CD200R1L: variants seen among roughly 807,000 people sequenced by gnomAD.
The protein encoded by CD200R1L is CD200 receptor 1 like.
In CD200R1L, 14 loss-of-function variants were observed where a neutral mutation model predicts 24.8. The ratio of observed to expected loss-of-function variants is 0.56; its 90% CI spans 0.37 to 0.88. The LOEUF (loss-of-function observed/expected upper bound fraction) is 0.88, where lower values mean the gene tolerates loss of function less well. Among genes scored for constraint, CD200R1L ranks in the 40% least tolerant of loss-of-function variants. The pLI, the probability that CD200R1L is intolerant of heterozygous loss-of-function variation, is 0.00. For synonymous variants in CD200R1L, 111 were observed against 109.2 expected (o/e 1.02, Z -0.11); for missense variants, 299 against 297.8 (o/e 1.00, Z -0.03).
At chr3:112,841,913 C>G (rs1402984475) in intron 2 of CD200R1L, among the ~76,000 whole-genome samples, 1 of 152,218 alleles carries the variant, frequency 6.6e-6, no homozygotes, top group African/African-American at 2.4e-5. Context: ...GAGGAGCCCC[C>G]ACTCTCAGAA....
intron 1 of CD200R1L, 47 bp from the exon 2 acceptor site, chr3:112,845,997 C>A: frequency 2.6e-6 from 1 of 389,470 alleles, no homozygotes; most frequent in Non-Finnish European, 4.6e-6. Context: ...CATTGCTTCT[C>A]CCACAACATT....
intron 6 of CD200R1L, among the ~76,000 whole-genome samples, chr3:112,825,300 G>C (rs1465466096): frequency 1.3e-5 from 2 of 149,268 alleles, no homozygotes; most frequent in African/African-American, 2.5e-5. Context: ...CAGAGGAATA[G>C]AAGCACTTAA....
chr3:112,819,646 C>G lies in CD200R1L; in HGVS notation c.740+126G>C. On this transcript the variant is annotated intron_variant, in intron 7 of 7. Transcript: ENST00000488794. ...TGATGCCTTCACATTAAAGAAGGGG[C>G]TGGAGGGAGAATACAACATACCAAA... 4 of 960,878 alleles carry G rather than the reference C, an allele frequency of 4.2e-6. No homozygotes were observed. The South Asian group carries it at 8.8e-5, about 21-fold the overall frequency. 59.5% of individuals were successfully genotyped at this position (960,878 alleles called of 1,614,324 possible).
In CD200R1L at chr3:112,820,031, A is replaced by G. The variant is rs527301623; in HGVS notation, c.617-136T>C. On this transcript the variant is annotated intron_variant, in intron 6 of 7. Transcript: ENST00000488794. ...TCATAATCATAAAACCTTCTAAATT[A>G]TGACTCAAATGTTACTAATATACCA... The G allele has an allele frequency of 3.8e-5, 27 of 719,392 alleles. 1 individual carries two copies. In the African/African-American group the frequency reaches 3.9e-4, roughly 10 times the overall value. The allele number at this position is 719,392 out of a possible 1,614,324, so 44.6% of individuals were successfully genotyped here. A position where few individuals can be genotyped will look rare whatever the true frequency, so the allele number is the denominator to read the frequency against.
chr3:112,824,641 A>G (rs1238291650), intron 6 of CD200R1L, among the ~76,000 whole-genome samples: 1 of 152,238 alleles, frequency 6.6e-6, no homozygotes, highest in Non-Finnish European at 1.5e-5. Context: ...AGTTGACTGA[A>G]AGTTAAGAAA....
chr3:112,837,920 A>G (rs1408359517), intron 3 of CD200R1L, 22 bp downstream of exon 3: 6 of 1,084,902 alleles, frequency 5.5e-6, no homozygotes, highest in East Asian at 7.3e-5. Flanking sequence ...CAAACTGGTT[A>G]TTAAGTAAGT....
chr3:112,819,280 G>T (rs184575144), intron 7 of CD200R1L, among the ~76,000 whole-genome samples: 1 of 152,132 alleles, frequency 6.6e-6, no homozygotes. Context: ...ACATCAAGTC[G>T]CAAAAGAAGT....
At chr3:112,837,439 A>G (rs946574591) in intron 3 of CD200R1L, among the ~76,000 whole-genome samples, 8 of 152,124 alleles carry the variant, frequency 5.3e-5, no homozygotes, top group African/African-American at 1.9e-4. Context: ...ACTGCAATCC[A>G]GCATGCACAC....
intron 6 of CD200R1L, 31 bp from the exon 7 acceptor site, chr3:112,819,926 T>G (rs746927729): frequency 1.6e-5 from 24 of 1,539,420 alleles, no homozygotes; most frequent in Non-Finnish European, 2.0e-5. Context: ...GAAAAATCAT[T>G]TCAAGCATTC....
At chr3:112,821,268 C>G (rs543365540) in intron 6 of CD200R1L, among the ~76,000 whole-genome samples, 13 of 152,074 alleles carry the variant, frequency 8.5e-5, no homozygotes, top group Admixed American at 2.6e-4. Flanking sequence ...CTCAAAATAT[C>G]TTATAATCCA....
At chr3:112,816,546 C>T (rs570612333) in intron 7 of CD200R1L, among the ~76,000 whole-genome samples, 11 of 152,176 alleles carry the variant, frequency 7.2e-5, no homozygotes, top group South Asian at 4.1e-4. Context: ...CATGGATAGA[C>T]GGAGAGGTGA....
Position 112,829,378 on chromosome 3 carries a change from C to T in CD200R1L, c.-11G>A. ...CTGCTTTCCACCCATGCATGAACTA[C>T]TTGAAGCTAGAAAACATTTAGAGAA... On this transcript the variant is annotated 5_prime_UTR_variant, in exon 4 of 8. Transcript: ENST00000488794. The T allele has an allele frequency of 6.2e-7, 1 of 1,613,856 alleles. No homozygotes were observed. Among genetic ancestry groups the T allele is most frequent in the Non-Finnish European group, 8.5e-7 (1 of 1,179,728 alleles).
chr3:112,816,872 G>A (rs11918738), intron 7 of CD200R1L, among the ~76,000 whole-genome samples: 19,971 of 152,110 alleles, frequency 0.13, 1,494 homozygotes, highest in Admixed American at 0.19. Flanking sequence ...GGTTTTATAA[G>A]CAGGAGTTCC....
At chr3:112,828,102 A>C (rs994056335) in intron 4 of CD200R1L, among the ~76,000 whole-genome samples, 1 of 152,228 alleles carries the variant, frequency 6.6e-6, no homozygotes, top group Non-Finnish European at 1.5e-5. Context: ...CTTGGAAAAG[A>C]AAATGGAATA....
intron 2 of CD200R1L, among the ~76,000 whole-genome samples, chr3:112,843,841 G>A (rs1281369774): frequency 6.6e-6 from 1 of 152,158 alleles, no homozygotes; most frequent in African/African-American, 2.4e-5. Flanking sequence ...CAGGCTGAAA[G>A]TAAAGGGGTG....
intron 2 of CD200R1L, among the ~76,000 whole-genome samples, chr3:112,843,125 A>G (rs1939120013): frequency 6.6e-6 from 1 of 152,142 alleles, no homozygotes; most frequent in African/African-American, 2.4e-5. Context: ...AGAGAGAGTA[A>G]GCAACTTAGA....
chr3:112,817,487 C>A (rs183217654), intron 7 of CD200R1L, among the ~76,000 whole-genome samples: 65 of 152,210 alleles, frequency 4.3e-4, no homozygotes, highest in African/African-American at 1.3e-3. Flanking sequence ...TAAACACCTC[C>A]CACATAACAT....
At position 112,815,983 on chromosome 3, in the gene CD200R1L, T is replaced by A. The variant is rs1938379948; in HGVS notation, c.741-8A>T. On this transcript the variant is annotated splice_region_variant and splice_polypyrimidine_tract_variant and intron_variant, in intron 7 of 7. Transcript: ENST00000488794. ...CTTCTTTAAAGAACTTTTCTGAAAG[T>A]ATTACACAAGATTTGTATTTATATC... is the stretch of plus-strand genomic sequence containing the variant. 1 of 780,226 alleles carries A rather than the reference T, an allele frequency of 1.3e-6. No individual in the cohort carries two copies. Among genetic ancestry groups the A allele is most frequent in the African/African-American group, 1.7e-5 (1 of 59,110 alleles). 48.3% of individuals were successfully genotyped at this position (780,226 alleles called of 1,614,324 possible). A position where few individuals can be genotyped will look rare whatever the true frequency, so the allele number is the denominator to read the frequency against.
chr3:112,816,543 A>G (rs1048436084), intron 7 of CD200R1L, among the ~76,000 whole-genome samples: 1 of 152,206 alleles, frequency 6.6e-6, no homozygotes, highest in African/African-American at 2.4e-5. Flanking sequence ...TTACATGGAT[A>G]GACGGAGAGG....
Sources: gnomAD v4.1 joint callset for allele counts (sites outside exome capture counted in the v4.1 genomes callset) on GRCh38, gnomAD v4.1.1 for gene constraint, MANE v1.5 for transcripts, NCBI Gene and HGNC (gene_info 2026-07-23, HGNC 2026-07-21) for gene names.